The following ARHGAP32 variants were observed in gnomAD, a reference collection of about 807,000 sequenced individuals.
ARHGAP32 encodes Rho GTPase activating protein 32.
ARHGAP32 carries 51 observed loss-of-function variants against 186.5 expected under a neutral mutation model. The observed-to-expected ratio is 0.27, with a 90% confidence interval of 0.22 to 0.35. The LOEUF (loss-of-function observed/expected upper bound fraction) is 0.35. Among genes scored for constraint, ARHGAP32 ranks in the 10% least tolerant of loss-of-function variants. The pLI is 1.00. For missense variants in ARHGAP32, 2,186 were observed against 2,623.5 expected (o/e 0.83, Z 3.64); for synonymous variants, 950 against 964.3 (o/e 0.99, Z 0.27).
chr11:129,027,056 G>A (rs1373403118), intron 11 of ARHGAP32, among the ~76,000 whole-genome samples: 6 of 146,646 alleles, frequency 4.1e-5, no homozygotes, highest in African/African-American at 1.3e-4. Flanking sequence ...CCGAGATCAC[G>A]CCACTGCACT....
intron 5 of ARHGAP32, among the ~76,000 whole-genome samples, chr11:129,121,179 T>C (rs945820451): frequency 6.8e-6 from 1 of 146,440 alleles, no homozygotes; most frequent in Admixed American, 7.8e-5. Flanking sequence ...AATATGATTG[T>C]TTTTTTTTTC....
At chr11:129,125,402 C>G (rs964300764) in intron 2 of ARHGAP32, among the ~76,000 whole-genome samples, 1 of 151,970 alleles carries the variant, frequency 6.6e-6, no homozygotes, top group South Asian at 2.1e-4. Flanking sequence ...TCAAGTATAT[C>G]ATTTTTTAAA....
intron 5 of ARHGAP32, among the ~76,000 whole-genome samples, chr11:129,102,240 C>T (rs1385456146): frequency 6.6e-6 from 1 of 152,182 alleles, no homozygotes; most frequent in East Asian, 1.9e-4. Flanking sequence ...CCAGCTGCTA[C>T]AGAAACACAC....
chr11:129,230,888 A>T (rs1431174086), intron 1 of ARHGAP32, among the ~76,000 whole-genome samples: 11 of 152,152 alleles, frequency 7.2e-5, no homozygotes, highest in Non-Finnish European at 1.3e-4. Context: ...TCATCTCATC[A>T]CTTTGGGAGG....
rs149388971 is a variant in ARHGAP32 at position 129,271,576 on chromosome 11, C to A, written c.-5+7570G>T. Among the ~76,000 whole-genome samples, 449 of 151,966 alleles carry A rather than the reference C, an allele frequency of 3.0e-3. 7 individuals carry two copies. Among genetic ancestry groups the A allele is most frequent in the African/African-American group, 0.01 (427 of 41,434 alleles). ...GGCATGGAGTTACAAGAGTCTAGAG[C>A]GCAAGGGGGAAAAAAGTCAGTACTA... On this transcript the variant is annotated intron_variant, in intron 1 of 6. Coordinates refer to the ARHGAP32 transcript ENST00000525234.
chr11:128,972,262 T>C, intron 22 of ARHGAP32, 191 bp downstream of exon 22: 1 of 481,798 alleles, frequency 2.1e-6, no homozygotes. Flanking sequence ...AGCTACTCCT[T>C]TCCTGGGGAA....
intron 11 of ARHGAP32, among the ~76,000 whole-genome samples, chr11:129,025,838 ATTT>A (rs1192357900): frequency 6.7e-6 from 1 of 148,292 alleles, no homozygotes; most frequent in East Asian, 1.9e-4. Flanking sequence ...AATATATATT[ATTT>A]TATCATATTA....
chr11:129,219,090 G>A (rs371874599), intron 1 of ARHGAP32, among the ~76,000 whole-genome samples: 2 of 152,166 alleles, frequency 1.3e-5, no homozygotes, highest in Non-Finnish European at 2.9e-5. Context: ...GGGCCACATT[G>A]GGATGAGGTG....
chr11:129,233,021 GT>G (rs1185693799), intron 1 of ARHGAP32, among the ~76,000 whole-genome samples: 1 of 151,938 alleles, frequency 6.6e-6, no homozygotes, highest in African/African-American at 2.4e-5. Context: ...TTTTCACACT[GT>G]ACACTTAAGA....
At chr11:129,230,144 C>T (rs1479070110) in intron 1 of ARHGAP32, among the ~76,000 whole-genome samples, 2 of 152,122 alleles carry the variant, frequency 1.3e-5, no homozygotes, top group Admixed American at 1.3e-4. Flanking sequence ...AAATGAAAAA[C>T]GAAGTTATAT....
intron 11 of ARHGAP32, among the ~76,000 whole-genome samples, chr11:129,033,351 A>C (rs1455891515): frequency 6.6e-6 from 1 of 152,176 alleles, no homozygotes; most frequent in Non-Finnish European, 1.5e-5. Flanking sequence ...GATTGTCCCA[A>C]ATTAATACTC....
intron 1 of ARHGAP32, among the ~76,000 whole-genome samples, chr11:129,264,636 A>G (rs1358390100): frequency 5.3e-5 from 8 of 152,198 alleles, no homozygotes. Context: ...CAAGCAAGAG[A>G]GTTGAATAGA....
chr11:129,166,464 C>G (rs930080122), intron 1 of ARHGAP32, among the ~76,000 whole-genome samples: 2 of 151,834 alleles, frequency 1.3e-5, no homozygotes, highest in Non-Finnish European at 2.9e-5. Context: ...AAATTACAGT[C>G]AAACTGCTAA....
rs917776094 is a variant in ARHGAP32, at chr11:129,183,285, C to T, written c.116+8798G>A. Among the ~76,000 whole-genome samples, 3 of 152,150 alleles carry T rather than the reference C, an allele frequency of 2.0e-5. No individual in the cohort carries two copies. The East Asian group carries it at 5.8e-4, about 29-fold the overall frequency. ...TTGCAAAAGTCCTCTATATCCACTA[C>T]CCTTGTTCTTTTTCTTTTTCCTACA... On this transcript the variant is annotated intron_variant, in intron 1 of 22. Transcript: ENST00000682385.
At chr11:129,192,919 T>C (rs1944296468), upstream of ARHGAP32, among the ~76,000 whole-genome samples, 1 of 152,144 alleles carries the variant, frequency 6.6e-6, no homozygotes, top group Admixed American at 6.5e-5. Flanking sequence ...GTTTTACACA[T>C]TTAAACTGCA....
At chr11:129,212,647 T>C (rs2135594295) in intron 1 of ARHGAP32, among the ~76,000 whole-genome samples, 1 of 152,324 alleles carries the variant, frequency 6.6e-6, no homozygotes, top group African/African-American at 2.4e-5. Flanking sequence ...GCTCCAATAG[T>C]ACATAGTCTA....
chr11:129,049,278 T>C (rs1939940021), intron 10 of ARHGAP32, among the ~76,000 whole-genome samples: 1 of 152,042 alleles, frequency 6.6e-6, no homozygotes, highest in Non-Finnish European at 1.5e-5. Context: ...GGACAGTATA[T>C]GAATGTAAAC....
chr11:129,208,661 T>A (rs1024479963), intron 1 of ARHGAP32, among the ~76,000 whole-genome samples: 1 of 136,998 alleles, frequency 7.3e-6, no homozygotes, highest in Non-Finnish European at 1.7e-5. Context: ...TCTGTCATTT[T>A]CTTTTCTTTT....
chr11:129,194,143 C>T (rs1479157289), upstream of ARHGAP32, among the ~76,000 whole-genome samples: 2 of 152,058 alleles, frequency 1.3e-5, no homozygotes, highest in Non-Finnish European at 2.9e-5. Context: ...ACATGCCTGT[C>T]AGTGGGAGTT....
Sources: allele counts gnomAD v4.1 joint callset (sites outside exome capture counted in the v4.1 genomes callset), GRCh38; gene constraint gnomAD v4.1.1; transcripts MANE v1.5; gene names NCBI Gene and HGNC (gene_info 2026-07-23, HGNC 2026-07-21).